The following ANKMY1 variants were observed in gnomAD, a reference collection of about 807,000 sequenced individuals.
The protein encoded by ANKMY1 is ankyrin repeat and MYND domain containing 1, also known as ankyrin repeat and MYND domain-containing protein 1.
Under a neutral mutation model 102.0 loss-of-function variants are expected in ANKMY1, and 98 were observed. The observed-to-expected ratio is 0.96, with a 90% CI of 0.82 to 1.14. ANKMY1 has a LOEUF of 1.14. ANKMY1 is among the 50% of genes most tolerant of loss of function. The pLI, the probability that ANKMY1 is intolerant of heterozygous loss-of-function variation, is 0.00. For synonymous variants in ANKMY1, 582 were observed against 559.9 expected (o/e 1.04, Z -0.56); for missense variants, 1,330 against 1,347.6 (o/e 0.99, Z 0.20).
At chr2:240,557,994 G>A, upstream of ANKMY1, 1 of 985,352 alleles carries the variant, frequency 1.0e-6, no homozygotes, top group Non-Finnish European at 1.2e-6. Flanking sequence ...CCTACGGAGA[G>A]CGTCGCGTTT....
intron 7 of ANKMY1, 68 bp downstream of exon 7, chr2:240,525,617 G>T: frequency 1.3e-6 from 2 of 1,540,072 alleles, no homozygotes; most frequent in South Asian, 1.2e-5. Flanking sequence ...GAGGCTTGGT[G>T]GACATTTACA....
chr2:240,516,312 A>G (rs748886869), intron 9 of ANKMY1, among the ~76,000 whole-genome samples: 1 of 152,168 alleles, frequency 6.6e-6, no homozygotes, highest in Non-Finnish European at 1.5e-5. Flanking sequence ...CTTTACCTCA[A>G]ACTACCTTTT....
At chr2:240,485,665 C>T (rs2075973996) in intron 15 of ANKMY1, among the ~76,000 whole-genome samples, 1 of 151,910 alleles carries the variant, frequency 6.6e-6, no homozygotes, top group Admixed American at 6.6e-5. Context: ...TAGTGGCTCA[C>T]TGCAGCCTCA....
chr2:240,504,014 G>A (rs769490938), intron 13 of ANKMY1, among the ~76,000 whole-genome samples: 4 of 152,188 alleles, frequency 2.6e-5, no homozygotes, highest in Non-Finnish European at 5.9e-5. Flanking sequence ...GCAACACCTC[G>A]ATCGCGGCCT....
chr2:240,525,798 C>A lies in ANKMY1; in HGVS notation c.1222G>T (p.Val408Leu), dbSNP rs567634073. 1 of 1,614,142 alleles carries A rather than the reference C, an allele frequency of 6.2e-7. No homozygotes were observed. Among genetic ancestry groups the A allele is most frequent in the East Asian group, 2.2e-5 (1 of 44,882 alleles). The change falls in exon 7 of 18, where the codon GTG becomes TTG. Residue 408 changes from valine (V) to leucine (L), a missense_variant. Physicochemically the swap from Val to Leu is conservative, Grantham distance 32. Transcript: ENST00000401804. ...AGACCCTCATCTGAGCACTTGTTCA[C>A]GTCGGCCCCACAGTCCAGGAGAAGG... ...VNLLLDCGAD[V>L]NKCSDEGLTA...
intron 15 of ANKMY1, among the ~76,000 whole-genome samples, chr2:240,484,361 C>A (rs565187516): frequency 2.6e-5 from 4 of 152,100 alleles, no homozygotes; most frequent in Non-Finnish European, 4.4e-5. Flanking sequence ...GAGATATAGA[C>A]CAATGGAACA....
intron 17 of ANKMY1, among the ~76,000 whole-genome samples, chr2:240,480,670 C>T (rs1284446627): frequency 6.6e-6 from 1 of 152,150 alleles, no homozygotes; most frequent in African/African-American, 2.4e-5. Flanking sequence ...CCCCAGGGGT[C>T]CATGTTCCAG....
At chr2:240,532,549 T>C (rs1028880013) in intron 4 of ANKMY1, among the ~76,000 whole-genome samples, 5 of 152,156 alleles carry the variant, frequency 3.3e-5, no homozygotes, top group African/African-American at 1.2e-4. Context: ...AAGGTGACAA[T>C]ACCTGGGTAA....
intron 4 of ANKMY1, among the ~76,000 whole-genome samples, chr2:240,542,248 C>T (rs2089080007): frequency 6.6e-6 from 1 of 151,604 alleles, no homozygotes; most frequent in Non-Finnish European, 1.5e-5. Context: ...TGGCTCATGC[C>T]TGTAATCTCA....
At chr2:240,488,238 C>T (rs2076276515) in intron 15 of ANKMY1, among the ~76,000 whole-genome samples, 1 of 152,188 alleles carries the variant, frequency 6.6e-6, no homozygotes, top group Admixed American at 6.5e-5. Flanking sequence ...GTCCTTTCCC[C>T]AGTGTATGTT....
At chr2:240,503,265 G>T (rs553114474) in intron 13 of ANKMY1, among the ~76,000 whole-genome samples, 2 of 152,196 alleles carry the variant, frequency 1.3e-5, no homozygotes, top group Non-Finnish European at 2.9e-5. Context: ...GAAATTTGGG[G>T]CCCCATATCT....
At chr2:240,547,446 A>C (rs1575332619) in intron 4 of ANKMY1, among the ~76,000 whole-genome samples, 2 of 149,836 alleles carry the variant, frequency 1.3e-5, no homozygotes, top group Admixed American at 1.3e-4. Context: ...CATCACAATT[A>C]AAAGAACTAG....
intron 3 of ANKMY1, chr2:240,554,653 A>G: frequency 1.8e-6 from 1 of 571,086 alleles, no homozygotes. Context: ...CAGCTTCCCA[A>G]ACCTCATCCT....
At chr2:240,548,437 C>CCT (rs1406813325) in intron 4 of ANKMY1, among the ~76,000 whole-genome samples, 1 of 152,160 alleles carries the variant, frequency 6.6e-6, no homozygotes, top group African/African-American at 2.4e-5. Context: ...GGAAGCATTC[C>CCT]CTTTGAAAAC....
At chr2:240,543,305 A>C (rs2152533870) in intron 4 of ANKMY1, among the ~76,000 whole-genome samples, 1 of 151,900 alleles carries the variant, frequency 6.6e-6, no homozygotes, top group South Asian at 2.1e-4. Flanking sequence ...GTGAGCCGAG[A>C]CCGTACCACT....
Position 240,479,461 on chromosome 2 carries a change from G to A in ANKMY1, c.*148C>T. On this transcript the variant is annotated 3_prime_UTR_variant, in exon 18 of 18. Transcript: ENST00000401804. ...CCCCGTGGGGCCAATTTATTGCGAG[G>A]TCGCAAGGGAGACACTGCTACAAAG... is the stretch of plus-strand genomic sequence containing the variant. The A allele has an allele frequency of 1.0e-6, 1 of 967,980 alleles. No homozygotes were observed. Among genetic ancestry groups the A allele is most frequent in the Admixed American group, 2.0e-5 (1 of 49,514 alleles). 60.0% of individuals were successfully genotyped at this position (967,980 alleles called of 1,614,324 possible).
chr2:240,490,328 G>T (rs1309225556), intron 15 of ANKMY1, among the ~76,000 whole-genome samples: 1 of 151,792 alleles, frequency 6.6e-6, no homozygotes, highest in East Asian at 1.9e-4. Flanking sequence ...ATTTGTTCTT[G>T]CTTTTCTAGT....
chr2:240,473,477 C>CAAAA, the ANKMY1 span, among the ~76,000 whole-genome samples: 1 of 48,250 alleles, frequency 2.1e-5, no homozygotes, highest in African/African-American at 1.7e-4. Flanking sequence ...AACCAATTAA[C>CAAAA]CAAAAAAAAA....
rs765337972 is a variant in ANKMY1 at position 240,524,247 on chromosome 2, G to C, written c.1470C>G (p.Leu490=). Residue 490 remains leucine (L), a synonymous_variant, in exon 8 of 18, where the codon CTC becomes CTG. Coordinates refer to ENST00000401804, the MANE Select transcript of ANKMY1 (RefSeq NM_001282771.3). ...CGTGGCTGCCTGAGACGCGTGGCAGGAGCAGTGGTGCTGGCGGTGGCCTCA... is the reference window on the plus strand; with the variant it reads ...CGTGGCTGCCTGAGACGCGTGGCAGCAGCAGTGGTGCTGGCGGTGGCCTCA... ...YELRPPPAPL[L]LPRVSGSHEG... is the part of the protein sequence containing the mutation. 1 of 1,613,790 alleles carries C rather than the reference G, an allele frequency of 6.2e-7. No individual in the cohort carries two copies. Among genetic ancestry groups the C allele is most frequent in the Non-Finnish European group, 8.5e-7 (1 of 1,180,044 alleles).
Sources: allele counts gnomAD v4.1 joint callset (sites outside exome capture counted in the v4.1 genomes callset), GRCh38; gene constraint gnomAD v4.1.1; transcripts MANE v1.5; gene names NCBI Gene and HGNC (gene_info 2026-07-23, HGNC 2026-07-21).